Variants in HNRNPF observed in about 807,000 individuals in gnomAD.
HNRNPF encodes heterogeneous nuclear ribonucleoprotein F.
HNRNPF carries 2 observed loss-of-function variants against 26.0 expected under a neutral mutation model. The ratio of observed to expected loss-of-function variants is 0.08; its 90% CI spans 0.03 to 0.24. HNRNPF has a LOEUF of 0.24. HNRNPF is among the 10% of genes least tolerant of loss of function. The pLI is 1.00. For synonymous variants in HNRNPF, 234 were observed against 211.5 expected (o/e 1.11, Z -0.92); for missense variants, 299 against 539.2 (o/e 0.55, Z 4.41).
intron 1 of HNRNPF, among the ~76,000 whole-genome samples, chr10:43,399,754 G>A (rs2131984562): frequency 6.6e-6 from 1 of 152,338 alleles, no homozygotes; most frequent in South Asian, 2.1e-4. Flanking sequence ...TCTGGAGACT[G>A]ACTGACTCAC....
chr10:43,405,172 G>C (rs975290370), intron 1 of HNRNPF, among the ~76,000 whole-genome samples: 1 of 152,154 alleles, frequency 6.6e-6, no homozygotes, highest in Admixed American at 6.5e-5. Context: ...ATGCAAAATA[G>C]TAGTGGATAT....
intron 1 of HNRNPF, among the ~76,000 whole-genome samples, chr10:43,400,419 G>GT (rs2131985389): frequency 6.6e-6 from 1 of 152,268 alleles, no homozygotes; most frequent in African/African-American, 2.4e-5. Flanking sequence ...GCTCGTGTCT[G>GT]TTCACCACAT....
chr10:43,396,555 C>T lies in HNRNPF; in HGVS notation c.-211G>A, dbSNP rs1838526909. ...CCGAAGCTCAACCACGCAGAGGGCT[C>T]CGGGGAAACTCCAGGTGCATGTTTT... On this transcript the variant is annotated 5_prime_UTR_variant, in exon 2 of 4. Transcript: ENST00000682386. 6.6e-6 allele frequency: 1 copy of T among 152,270 alleles called. No individual in the cohort carries two copies. Among genetic ancestry groups the T allele is most frequent in the Non-Finnish European group, 1.5e-5 (1 of 68,096 alleles). 9.4% of individuals were successfully genotyped at this position (152,270 alleles called of 1,614,324 possible).
chr10:43,398,409 T>G (rs548781989), intron 1 of HNRNPF, among the ~76,000 whole-genome samples: 20 of 148,820 alleles, frequency 1.3e-4, no homozygotes, highest in Non-Finnish European at 2.8e-4. Flanking sequence ...TGGCACGATC[T>G]CGGCTCACTG....
intron 2 of HNRNPF, among the ~76,000 whole-genome samples, chr10:43,395,254 TG>T (rs1312594756): frequency 2.6e-5 from 4 of 152,162 alleles, no homozygotes; most frequent in African/African-American, 4.8e-5. Context: ...TGCTAGAAAT[TG>T]TTCAGTCTGA....
chr10:43,405,263 T>G (rs1838877226), intron 1 of HNRNPF, among the ~76,000 whole-genome samples: 1 of 152,254 alleles, frequency 6.6e-6, no homozygotes. Flanking sequence ...ATAGCATACA[T>G]TATATTTCTA....
intron 1 of HNRNPF, among the ~76,000 whole-genome samples, chr10:43,401,273 C>G (rs569987553): frequency 6.6e-6 from 1 of 152,232 alleles, no homozygotes; most frequent in East Asian, 1.9e-4. Context: ...GGGGATAACA[C>G]ACTGCTTCCC....
intron 2 of HNRNPF, among the ~76,000 whole-genome samples, chr10:43,395,496 T>TA (rs905609820): frequency 1.3e-5 from 2 of 152,238 alleles, no homozygotes; most frequent in African/African-American, 4.8e-5. Context: ...TAAAACCAGC[T>TA]AATTATGCTG....
In HNRNPF at chr10:43,387,345, G is replaced by A. The variant is rs1240195578; in HGVS notation, c.540C>T (p.Tyr180=). Residue 180 remains tyrosine (Y), a synonymous_variant, in exon 4 of 4, where the codon TAC becomes TAT. Transcript: ENST00000682386. The surrounding 1 kb of genome is among the most constrained non-coding windows in gnomAD (Gnocchi z 6.0). ...CCTGGCTGCTCTTAAACACCTCAAT[G>A]TACCTGTGCCCTATCCTCTCCTTGT... The part of the protein sequence containing the change: ...GKHKERIGHR[Y]IEVFKSSQEE... 1.2e-6 allele frequency: 2 copies of A among 1,614,164 alleles called. No homozygotes were observed. The highest frequency in any genetic ancestry group is 2.2e-5 in the East Asian group (1 of 44,874).
chr10:43,406,213 T>A (rs1448132483), intron 1 of HNRNPF, among the ~76,000 whole-genome samples: 3 of 152,168 alleles, frequency 2.0e-5, no homozygotes, highest in Admixed American at 6.6e-5. Context: ...GGAAAGGGCC[T>A]GTCACATTTC....
At chr10:43,406,092 A>G (rs1312241636) in intron 1 of HNRNPF, among the ~76,000 whole-genome samples, 1 of 152,202 alleles carries the variant, frequency 6.6e-6, no homozygotes, top group Non-Finnish European at 1.5e-5. Context: ...ATGTAATTAG[A>G]AAATGGAGTA....
chr10:43,392,529 G>A (rs184708375), intron 3 of HNRNPF, among the ~76,000 whole-genome samples: 38 of 152,210 alleles, frequency 2.5e-4, no homozygotes, highest in Non-Finnish European at 3.2e-4. Context: ...ACAGAGACTC[G>A]TCTCAAAAAC....
At chr10:43,402,860 CT>C in intron 1 of HNRNPF, among the ~76,000 whole-genome samples, 1 of 150,606 alleles carries the variant, frequency 6.6e-6, no homozygotes, top group South Asian at 2.1e-4. Context: ...TAATAGGAGT[CT>C]TAATCTGTCA....
chr10:43,388,855 T>C (rs1223985455), intron 3 of HNRNPF, among the ~76,000 whole-genome samples: 3 of 152,030 alleles, frequency 2.0e-5, no homozygotes, highest in Non-Finnish European at 4.4e-5. Context: ...CAGCAGGGTC[T>C]ATAACATAGT....
intron 3 of HNRNPF, among the ~76,000 whole-genome samples, chr10:43,388,955 G>T (rs1838137573): frequency 2.0e-5 from 3 of 150,320 alleles, no homozygotes; most frequent in Admixed American, 1.3e-4. Flanking sequence ...AAGAGCATAG[G>T]AGTATATGGA....
At chr10:43,401,133 A>T (rs1838742862) in intron 1 of HNRNPF, among the ~76,000 whole-genome samples, 1 of 151,918 alleles carries the variant, frequency 6.6e-6, no homozygotes, top group Non-Finnish European at 1.5e-5. Context: ...TAACATTTTA[A>T]ATGTTTACTC....
At chr10:43,404,982 C>T (rs1031288603) in intron 1 of HNRNPF, among the ~76,000 whole-genome samples, 2 of 152,084 alleles carry the variant, frequency 1.3e-5, no homozygotes, top group South Asian at 2.1e-4. Flanking sequence ...ACAAATATAA[C>T]GGGGGATGGA....
chr10:43,406,920 A>G (rs552018296), intron 1 of HNRNPF, among the ~76,000 whole-genome samples: 2 of 152,262 alleles, frequency 1.3e-5, no homozygotes, highest in Admixed American at 1.3e-4. Flanking sequence ...TTAAAGTAGT[A>G]ATGTCTTATT....
At chr10:43,406,820 C>A (rs2131994583) in intron 1 of HNRNPF, among the ~76,000 whole-genome samples, 1 of 152,268 alleles carries the variant, frequency 6.6e-6, no homozygotes, top group South Asian at 2.1e-4. Context: ...GATAATGACT[C>A]TAATCTACAG....
Sources: allele counts gnomAD v4.1 joint callset (sites outside exome capture counted in the v4.1 genomes callset), GRCh38; gene constraint gnomAD v4.1.1; non-coding constraint Gnocchi (gnomAD v3.1); transcripts MANE v1.5; gene names NCBI Gene and HGNC (gene_info 2026-07-23, HGNC 2026-07-21).